The following DPP6 variants were observed in gnomAD, a reference collection of about 807,000 sequenced individuals.
DPP6 encodes the protein dipeptidyl peptidase like 6, also known as A-type potassium channel modulatory protein DPP6.
A neutral mutation model predicts 122.6 loss-of-function variants in DPP6; 69 were observed. The ratio of observed to expected loss-of-function variants is 0.56; its 90% CI spans 0.46 to 0.69. The LOEUF (loss-of-function observed/expected upper bound fraction) is 0.69, where lower values mean the gene tolerates loss of function less well. Ranked by LOEUF, DPP6 falls within the 30% of genes least tolerant of loss-of-function variation. The probability of loss-of-function intolerance (pLI) is 0.00; values close to 1 mark genes in which losing one functional copy is unlikely to be tolerated. For missense variants in DPP6, 928 were observed against 1,116.9 expected (o/e 0.83, Z 2.41); for synonymous variants, 418 against 433.1 (o/e 0.97, Z 0.43).
intron 25 of DPP6, chr7:154,891,368 C>T (rs982420483): frequency 6.6e-6 from 1 of 152,158 alleles, no homozygotes; most frequent in African/African-American, 2.4e-5. Context: ...CATCTGGGAC[C>T]GAATGAGCCC....
In DPP6 at chr7:154,041,516, C is replaced by T. The variant is rs545314747; in HGVS notation, c.51+153782C>T. Among the ~76,000 whole-genome samples, 15 of 152,294 alleles carry T rather than the reference C, an allele frequency of 9.8e-5. No homozygotes were observed. The East Asian group carries it at 2.7e-3, about 27-fold the overall frequency. On this transcript the variant is annotated intron_variant, in intron 1 of 25. Coordinates refer to the DPP6 transcript ENST00000404039. ...TTAGCATGCTTATGCCATAGATGAGCGTCTGATGCTTAGCGACCTATCCTG... is the reference window on the plus strand; with the variant it reads ...TTAGCATGCTTATGCCATAGATGAGTGTCTGATGCTTAGCGACCTATCCTG...
At chr7:154,887,315 G>A (rs1806227544) in intron 22 of DPP6, among the ~76,000 whole-genome samples, 1 of 152,194 alleles carries the variant, frequency 6.6e-6, no homozygotes, top group South Asian at 2.1e-4. Flanking sequence ...AATCTTGATG[G>A]AAATGTGCTC....
chr7:154,835,274 G>A (rs996189431), intron 16 of DPP6, among the ~76,000 whole-genome samples: 2 of 152,164 alleles, frequency 1.3e-5, no homozygotes, highest in Non-Finnish European at 2.9e-5. Flanking sequence ...GCTGTGCGAC[G>A]TCAGAGGCAG....
intron 5 of DPP6, among the ~76,000 whole-genome samples, chr7:154,574,753 TGTG>T (rs1405294434): frequency 1.6e-5 from 2 of 126,440 alleles, no homozygotes; most frequent in Admixed American, 8.3e-5. Context: ...GTATGTGTGT[TGTG>T]TGTGTATATG....
At chr7:153,829,660 A>G in the DPP6 span, among the ~76,000 whole-genome samples, 1 of 152,188 alleles carries the variant, frequency 6.6e-6, no homozygotes, top group Non-Finnish European at 1.5e-5. Context: ...TTGAGAATAC[A>G]GCTGTGAGGA....
At chr7:153,750,034 T>C in the DPP6 span, among the ~76,000 whole-genome samples, 1 of 152,278 alleles carries the variant, frequency 6.6e-6, no homozygotes, top group South Asian at 2.1e-4. Flanking sequence ...AATCTACTTG[T>C]TGGGGTTTGG....
Position 154,637,866 on chromosome 7 carries a change from C to T in DPP6, c.673C>T (p.Pro225Ser). ...YTGYYVLSKI[P>S]HGDPQSLDPP... ...TGGATATTACGTCCTGAGCAAAATT[C>T]CTCATGGGTAAGAGTGTTCTTTTCT... Residue 225 changes from proline (P) to serine (S), a missense_variant, in exon 6 of 26, where the codon CCT (proline) becomes TCT (serine). By Grantham distance (74) the Pro-to-Ser change is moderately conservative (BLOSUM62 -1). Transcript: ENST00000377770. 1 of 1,575,394 alleles carries T rather than the reference C, an allele frequency of 6.3e-7. No homozygotes were observed. The highest frequency in any genetic ancestry group is 1.3e-5 in the African/African-American group (1 of 74,586).
intron 1 of DPP6, among the ~76,000 whole-genome samples, chr7:154,388,005 CA>C (rs1814268427): frequency 1.3e-5 from 2 of 152,122 alleles, no homozygotes; most frequent in Admixed American, 1.3e-4. Flanking sequence ...AGTGGGTGCT[CA>C]AAACACAGTG....
At chr7:153,850,194 G>C in the DPP6 span, among the ~76,000 whole-genome samples, 2 of 152,170 alleles carry the variant, frequency 1.3e-5, no homozygotes, top group Non-Finnish European at 1.5e-5. Context: ...GGCCTCACAA[G>C]GCTGCAATCA....
At chr7:154,063,089 C>T (rs1442413629) in intron 1 of DPP6, among the ~76,000 whole-genome samples, 2 of 134,238 alleles carry the variant, frequency 1.5e-5, no homozygotes, top group African/African-American at 5.3e-5. Flanking sequence ...CCCTCTTCCG[C>T]CCCTGGCTGT....
At chr7:154,622,757 T>C (rs1329902126) in intron 5 of DPP6, among the ~76,000 whole-genome samples, 3 of 152,306 alleles carry the variant, frequency 2.0e-5, no homozygotes, top group East Asian at 3.9e-4. Context: ...TGAGGTCTTA[T>C]GGTTTAAAGT....
intron 2 of DPP6, among the ~76,000 whole-genome samples, chr7:154,460,506 TCTTGA>T (rs1467762752): frequency 6.6e-6 from 1 of 152,184 alleles, no homozygotes; most frequent in Non-Finnish European, 1.5e-5. Context: ...TAAATGCGCC[TCTTGA>T]CTTGTCACTA....
Position 154,173,835 on chromosome 7 carries a change from T to C in DPP6, c.243+120772T>C, listed in dbSNP as rs543104651. On this transcript the variant is annotated intron_variant, in intron 1 of 25. Coordinates refer to ENST00000377770, the MANE Select transcript of DPP6 (RefSeq NM_130797.4). ...AATCACCATGACTTCCCCAAACCAG[T>C]GGGACATCCGGGGCCTTTGACTGTG... Among the ~76,000 whole-genome samples the C allele has an allele frequency of 3.9e-5, 6 of 152,236 alleles. No homozygotes were observed. In the East Asian group the frequency reaches 1.2e-3, roughly 29 times the overall value.
At chr7:153,996,809 G>A (rs192483282) in intron 1 of DPP6, among the ~76,000 whole-genome samples, 1 of 152,284 alleles carries the variant, frequency 6.6e-6, no homozygotes, top group East Asian at 1.9e-4. Context: ...TAGATATTCA[G>A]AGTGGTTGAT....
chr7:153,949,218 C>A (rs964079496), intron 1 of DPP6, among the ~76,000 whole-genome samples: 1 of 152,176 alleles, frequency 6.6e-6, no homozygotes, highest in African/African-American at 2.4e-5. Context: ...TAAGTGCAGC[C>A]ACAGAGATTC....
At chr7:154,358,186 T>A (rs1411349222) in intron 1 of DPP6, among the ~76,000 whole-genome samples, 2 of 152,180 alleles carry the variant, frequency 1.3e-5, no homozygotes, top group African/African-American at 4.8e-5. Flanking sequence ...AGCTCAACCA[T>A]AGTTATACTG....
At chr7:153,755,322 C>T in the DPP6 span, among the ~76,000 whole-genome samples, 2 of 144,906 alleles carry the variant, frequency 1.4e-5, no homozygotes, top group Non-Finnish European at 1.5e-5. Context: ...CAAGTGAGTC[C>T]TCTTCAAGAC....
rs531657484 is a variant in DPP6 at position 154,006,508 on chromosome 7, A to G, written c.51+118774A>G. On this transcript the variant is annotated intron_variant, in intron 1 of 25. Transcript: ENST00000404039. ...CCTTTGAAATCACAAAAAGGGCTCA[A>G]CAAGTGGAGGTCTCTTCCACCAGCA... is the stretch of plus-strand genomic sequence containing the variant. Among the ~76,000 whole-genome samples, 9 of 152,332 alleles carry G rather than the reference A, an allele frequency of 5.9e-5. No individual in the cohort carries two copies. In the South Asian group the frequency reaches 1.7e-3, roughly 28 times the overall value.
the DPP6 span, among the ~76,000 whole-genome samples, chr7:153,819,077 C>CTTTTTTTTTTTTTT: frequency 1.5e-4 from 15 of 99,852 alleles, no homozygotes; most frequent in Middle Eastern, 7.2e-3. Flanking sequence ...CTTTTCTTTT[C>CTTTTTTTTTTTTTT]TTTTTTTTTT....
Sources: gnomAD v4.1 joint callset for allele counts (sites outside exome capture counted in the v4.1 genomes callset) on GRCh38, gnomAD v4.1.1 for gene constraint, MANE v1.5 for transcripts, NCBI Gene and HGNC (gene_info 2026-07-23, HGNC 2026-07-21) for gene names.